The following DPYSL5 variants were observed in gnomAD, a reference collection of about 807,000 sequenced individuals.
DPYSL5 encodes the protein dihydropyrimidinase like 5, also known as dihydropyrimidinase-related protein 5.
DPYSL5 carries 9 observed loss-of-function variants against 58.4 expected under a neutral mutation model. The ratio of observed to expected loss-of-function variants is 0.15; its 90% CI spans 0.09 to 0.27. The LOEUF is 0.27. Among genes scored for constraint, DPYSL5 ranks in the 10% least tolerant of loss-of-function variants. DPYSL5 has a pLI of 1.00. For missense variants in DPYSL5, 499 were observed against 770.6 expected (o/e 0.65, Z 4.17); for synonymous variants, 293 against 301.9 (o/e 0.97, Z 0.31).
At chr2:26,930,040 C>T (rs1664931974) in intron 5 of DPYSL5, among the ~76,000 whole-genome samples, 1 of 152,228 alleles carries the variant, frequency 6.6e-6, no homozygotes, top group African/African-American at 2.4e-5. Flanking sequence ...GATGTGGTGG[C>T]ACTGCCATTA....
At position 26,944,548 on chromosome 2, in the gene DPYSL5, A is replaced by T; in HGVS notation, c.1441-108A>T. On this transcript the variant is annotated intron_variant, in intron 11 of 12. Transcript: ENST00000288699. This position sits in a 1 kb window ranked among gnomAD's most constrained non-coding sequence, Gnocchi z 4.4. ...ACTTGCAGTGATTTGGGTCTTGGGC[A>T]GAGTGGCAGTGTCTAATGTCCCACC... The T allele has an allele frequency of 7.8e-7, 1 of 1,281,170 alleles. No homozygotes were observed. Among genetic ancestry groups the T allele is most frequent in the East Asian group, 2.3e-5 (1 of 42,754 alleles). 79.4% of individuals were successfully genotyped at this position (1,281,170 alleles called of 1,614,324 possible).
chr2:26,892,117 A>G (rs1382468291), intron 1 of DPYSL5, among the ~76,000 whole-genome samples: 1 of 152,266 alleles, frequency 6.6e-6, no homozygotes, highest in East Asian at 1.9e-4. Flanking sequence ...CTTAAGTCAG[A>G]TAGACCTAAA....
intron 1 of DPYSL5, among the ~76,000 whole-genome samples, chr2:26,892,756 T>TGACAGAGA (rs1553316848): frequency 5.8e-5 from 8 of 138,828 alleles, no homozygotes; most frequent in African/African-American, 2.1e-4. Flanking sequence ...TGGGTTTGTT[T>TGACAGAGA]GAGAGAGAGA....
intron 1 of DPYSL5, among the ~76,000 whole-genome samples, chr2:26,884,938 C>T (rs1663676054): frequency 6.6e-6 from 1 of 152,150 alleles, no homozygotes; most frequent in South Asian, 2.1e-4. Flanking sequence ...GTGGCTCATG[C>T]CTGTAATCCC....
Position 26,855,714 on chromosome 2 carries a change from C to T in DPYSL5, c.-5+7460C>T, listed in dbSNP as rs201489492. On this transcript the variant is annotated intron_variant, in intron 1 of 12. Coordinates refer to ENST00000288699, the MANE Select transcript of DPYSL5 (RefSeq NM_020134.4). Reference sequence around the variant, plus strand: ...GCTGCCCCTTTGTTGATTTCAAATCCGCCATGGGCTGACTCGAAATTCTCA... The same window carrying T: ...GCTGCCCCTTTGTTGATTTCAAATCTGCCATGGGCTGACTCGAAATTCTCA... Among the ~76,000 whole-genome samples, 8 of 152,236 alleles carry T rather than the reference C, an allele frequency of 5.3e-5. No individual in the cohort carries two copies. In the East Asian group the frequency reaches 1.4e-3, roughly 26 times the overall value.
chr2:26,891,489 G>GA (rs1177285680), intron 1 of DPYSL5, among the ~76,000 whole-genome samples: 1 of 151,856 alleles, frequency 6.6e-6, no homozygotes, highest in Admixed American at 6.6e-5. Context: ...CTAGGAAGTG[G>GA]AAAAAAATAG....
chr2:26,897,202 G>A (rs767156340), intron 1 of DPYSL5, among the ~76,000 whole-genome samples: 10 of 152,078 alleles, frequency 6.6e-5, no homozygotes, highest in East Asian at 1.9e-4. Flanking sequence ...AATAACCTAC[G>A]TTGCCTAGCA....
intron 1 of DPYSL5, among the ~76,000 whole-genome samples, chr2:26,861,250 A>G (rs1458504746): frequency 6.6e-6 from 1 of 152,234 alleles, no homozygotes; most frequent in Non-Finnish European, 1.5e-5. Flanking sequence ...ATTGCTGACT[A>G]TCAAATAGCT....
At chr2:26,868,901 A>G (rs946056652) in intron 1 of DPYSL5, among the ~76,000 whole-genome samples, 1 of 152,120 alleles carries the variant, frequency 6.6e-6, no homozygotes, top group South Asian at 2.1e-4. Context: ...CTAAGCATAT[A>G]TTTGTTTCAT....
At chr2:26,911,033 CTGTTT>C (rs775455828) in intron 2 of DPYSL5, among the ~76,000 whole-genome samples, 123 of 134,904 alleles carry the variant, frequency 9.1e-4, no homozygotes, top group Non-Finnish European at 1.6e-3. Context: ...AGTCTATGAT[CTGTTT>C]TAAGTTAATT....
At chr2:26,912,973 G>A (rs1004338458) in intron 2 of DPYSL5, among the ~76,000 whole-genome samples, 2 of 152,192 alleles carry the variant, frequency 1.3e-5, no homozygotes, top group Non-Finnish European at 2.9e-5. Context: ...AGGAAATCAG[G>A]GGGCTCTAGA....
intron 6 of DPYSL5, among the ~76,000 whole-genome samples, chr2:26,932,248 G>A (rs1245152754): frequency 2.6e-5 from 4 of 151,564 alleles, no homozygotes; most frequent in African/African-American, 7.3e-5. Flanking sequence ...CAACCTCTAC[G>A]ATGCAGCCCC....
Position 26,849,753 on chromosome 2 carries a change from C to T in DPYSL5, c.-5+1499C>T, listed in dbSNP as rs1291427247. Among the ~76,000 whole-genome samples the T allele has an allele frequency of 6.6e-6, 1 of 152,220 alleles. No homozygotes were observed. Among genetic ancestry groups the T allele is most frequent in the Non-Finnish European group, 1.5e-5 (1 of 68,028 alleles). On this transcript the variant is annotated intron_variant, in intron 1 of 12. Coordinates refer to ENST00000288699, the MANE Select transcript of DPYSL5 (RefSeq NM_020134.4). This position sits in a 1 kb window ranked among gnomAD's most constrained non-coding sequence, Gnocchi z 6.2. ...GCAGTTTTCTGGTGCTGGGAATACTCCCTGCGGAACCTCCGGGCACGTGCT... is the reference window on the plus strand; with the variant it reads ...GCAGTTTTCTGGTGCTGGGAATACTTCCTGCGGAACCTCCGGGCACGTGCT...
rs1457071784 is a variant in DPYSL5 at position 26,949,681 on chromosome 2, A to G, written c.*2686A>G. 6.6e-6 allele frequency: 1 copy of G among 152,218 alleles called. No homozygotes were observed. The highest frequency in any genetic ancestry group is 2.4e-5 in the African/African-American group (1 of 41,414). 9.4% of individuals were successfully genotyped at this position (152,218 alleles called of 1,614,324 possible). On this transcript the variant is annotated 3_prime_UTR_variant, in exon 13 of 13. Coordinates refer to ENST00000288699, the MANE Select transcript of DPYSL5 (RefSeq NM_020134.4). ...AGGGAACCACGTCTTGGAGTGGTCC[A>G]CTGTAGGCCATGCGCTTCATCCACC...
At chr2:26,928,620 T>C (rs1462787899) in intron 5 of DPYSL5, among the ~76,000 whole-genome samples, 2 of 148,606 alleles carry the variant, frequency 1.3e-5, no homozygotes, top group East Asian at 3.9e-4. Flanking sequence ...GAGGATCACC[T>C]GAGCCCAGGA....
chr2:26,853,770 G>A (rs1199285865), intron 1 of DPYSL5, among the ~76,000 whole-genome samples: 2 of 152,072 alleles, frequency 1.3e-5, no homozygotes, highest in Non-Finnish European at 2.9e-5. Flanking sequence ...TTCTCTTAAG[G>A]CCTTTTAACT....
In DPYSL5 at chr2:26,932,149, A is replaced by AAG. The variant is rs368538586; in HGVS notation, c.714+467_714+468dup. Among the ~76,000 whole-genome samples, 27 of 52,092 alleles carry AAG rather than the reference A, an allele frequency of 5.2e-4. No homozygotes were observed. The Middle Eastern group carries it at 0.022, about 43-fold the overall frequency. The allele number at this position is 52,092 out of a possible 152,430, so 34.2% of individuals were successfully genotyped here. ...AGAAAGAAAGAAAGAGAAAGAAAGAAAGAAAGAAAGAAAGAAAGAAAGAAA... is the reference window on the plus strand; with the variant it reads ...AGAAAGAAAGAAAGAGAAAGAAAGAAAGAGAAAGAAAGAAAGAAAGAAAGAAA... On this transcript the variant is annotated intron_variant, in intron 6 of 12. Transcript: ENST00000288699.
Position 26,898,657 on chromosome 2 carries a change from C to A in DPYSL5, c.158C>A (p.Ala53Asp). 6.2e-7 allele frequency: 1 copy of A among 1,614,184 alleles called. No homozygotes were observed. The highest frequency in any genetic ancestry group is 8.5e-7 in the Non-Finnish European group (1 of 1,180,026). The change falls in exon 2 of 13, where the codon GCC becomes GAC. Residue 53 changes from alanine (A) to aspartate (D), a missense_variant. By Grantham distance (126) the Ala-to-Asp change is moderately radical. This residue lies in a region of DPYSL5 where 404 missense variants were observed against 647.6 expected (regional missense o/e 0.62). Transcript: ENST00000288699. The surrounding 1 kb of genome is among the most constrained non-coding windows in gnomAD (Gnocchi z 6.1). ...MIPGGAKVID[A>D]TGKLVIPGGI... is the part of the protein sequence containing the mutation. ...CCTGGCGGGGCCAAGGTGATTGATG[C>A]CACAGGAAAACTGGTGATCCCTGGT...
chr2:26,939,765 T>C (rs1665269591), intron 8 of DPYSL5: 1 of 395,474 alleles, frequency 2.5e-6, no homozygotes, highest in South Asian at 3.8e-5. Context: ...TCTGCTATCT[T>C]CACTCTTAAA....
Sources: allele counts gnomAD v4.1 joint callset (sites outside exome capture counted in the v4.1 genomes callset), GRCh38; gene constraint gnomAD v4.1.1; regional missense constraint gnomAD v4.1.1; non-coding constraint Gnocchi (gnomAD v3.1); transcripts MANE v1.5; gene names NCBI Gene and HGNC (gene_info 2026-07-23, HGNC 2026-07-21).